Variants in GDAP2 observed in about 807,000 individuals in gnomAD.
GDAP2 encodes the protein ganglioside-induced differentiation-associated protein 2.
Under a neutral mutation model 67.0 loss-of-function variants are expected in GDAP2, and 51 were observed. The observed-to-expected ratio is 0.76, with a 90% CI of 0.61 to 0.96. The LOEUF (loss-of-function observed/expected upper bound fraction) is 0.96. GDAP2 is among the 40% of genes least tolerant of loss of function. The probability of loss-of-function intolerance (pLI) is 0.00; values close to 1 mark genes in which losing one functional copy is unlikely to be tolerated. For missense variants in GDAP2, 547 were observed against 588.3 expected (o/e 0.93, Z 0.73); for synonymous variants, 203 against 207.3 (o/e 0.98, Z 0.18).
rs1647992065 is a variant in GDAP2 at position 117,864,344 on chromosome 1, G to A, written c.*6225C>T. 6.6e-6 allele frequency: 1 copy of A among 152,118 alleles called. No individual in the cohort carries two copies. Among genetic ancestry groups the A allele is most frequent in the Non-Finnish European group, 1.5e-5 (1 of 68,034 alleles). 9.4% of individuals were successfully genotyped at this position (152,118 alleles called of 1,614,324 possible). On this transcript the variant is annotated 3_prime_UTR_variant, in exon 14 of 14. Transcript: ENST00000369443. ...GAGGCTGTTTTAATAGGGGAATGAT[G>A]GATTCAGGCTAGATGAGGACCAAAT...
intron 7 of GDAP2, 93 bp downstream of exon 7, chr1:117,898,963 CA>C (rs1649352517): frequency 1.1e-6 from 1 of 903,190 alleles, no homozygotes; most frequent in African/African-American, 1.7e-5. Context: ...GAGAGCTTTC[CA>C]AAGGTCAAGC....
At position 117,903,707 on chromosome 1, in the gene GDAP2, G is replaced by C. The variant is rs547270305; in HGVS notation, c.636+2799C>G. Among the ~76,000 whole-genome samples the C allele has an allele frequency of 3.9e-5, 6 of 152,274 alleles. No individual in the cohort carries two copies. The East Asian group carries it at 7.7e-4, about 20-fold the overall frequency. ...TGCATCTCTATTCATAAGAGATATTGCTCTATAGTTTTCTGGCAGGTAGTA... is the reference window on the plus strand; with the variant it reads ...TGCATCTCTATTCATAAGAGATATTCCTCTATAGTTTTCTGGCAGGTAGTA... On this transcript the variant is annotated intron_variant, in intron 6 of 13. Coordinates refer to ENST00000369443, the MANE Select transcript of GDAP2 (RefSeq NM_017686.4).
At chr1:117,884,814 G>A (rs4659351) in intron 10 of GDAP2, among the ~76,000 whole-genome samples, 53 of 30,416 alleles carry the variant, frequency 1.7e-3, no homozygotes, top group African/African-American at 5.2e-3. Context: ...TATTCCCTCC[G>A]TGTGTGTGTG....
rs1191576256 is a variant in GDAP2 at position 117,869,949 on chromosome 1, A to G, written c.*620T>C. The G allele has an allele frequency of 6.6e-6, 1 of 152,352 alleles. No homozygotes were observed. The highest frequency in any genetic ancestry group is 6.5e-5 in the Admixed American group (1 of 15,288). 9.4% of individuals were successfully genotyped at this position (152,352 alleles called of 1,614,324 possible). ...CTGTGGCAATCTTAACAAGTCATAT[A>G]ATCCAAGGAACCTTAGTCCTTAAAC... On this transcript the variant is annotated 3_prime_UTR_variant, in exon 14 of 14. Coordinates refer to ENST00000369443, the MANE Select transcript of GDAP2 (RefSeq NM_017686.4).
intron 13 of GDAP2, among the ~76,000 whole-genome samples, chr1:117,872,950 T>C (rs371635147): frequency 1.3e-5 from 2 of 152,186 alleles, no homozygotes; most frequent in Non-Finnish European, 2.9e-5. Flanking sequence ...AAACATGCCC[T>C]GAAGAGATGA....
At chr1:117,880,484 G>T (rs1012643868) in intron 12 of GDAP2, among the ~76,000 whole-genome samples, 2 of 152,200 alleles carry the variant, frequency 1.3e-5, no homozygotes, top group African/African-American at 4.8e-5. Context: ...TGGAGATGGT[G>T]AGCATAGAAC....
chr1:117,884,042 C>G (rs1648760457), intron 10 of GDAP2, among the ~76,000 whole-genome samples: 1 of 152,084 alleles, frequency 6.6e-6, no homozygotes. Flanking sequence ...CGCTTGAATT[C>G]AATCAAAGTC....
At position 117,870,514 on chromosome 1, in the gene GDAP2, C is replaced by T; in HGVS notation, c.*55G>A. On this transcript the variant is annotated 3_prime_UTR_variant, in exon 14 of 14. Transcript: ENST00000369443. ...CAATGAATATCACTTCAACAGGTAG[C>T]TATTCGTGGAGGAAGTGGCATCCTG... is the stretch of plus-strand genomic sequence containing the variant. 1 of 1,025,628 alleles carries T rather than the reference C, an allele frequency of 9.8e-7. No individual in the cohort carries two copies. Among genetic ancestry groups the T allele is most frequent in the Non-Finnish European group, 1.6e-6 (1 of 642,674 alleles). The allele number at this position is 1,025,628 out of a possible 1,614,324, so 63.5% of individuals were successfully genotyped here. A position where few individuals can be genotyped will look rare whatever the true frequency, so the allele number is the denominator to read the frequency against.
At chr1:117,892,688 G>A (rs549611768) in intron 8 of GDAP2, among the ~76,000 whole-genome samples, 1 of 152,206 alleles carries the variant, frequency 6.6e-6, no homozygotes, top group African/African-American at 2.4e-5. Flanking sequence ...AACCAACTGA[G>A]GTTGGACACT....
chr1:117,916,894 T>C (rs1650062961), intron 3 of GDAP2, among the ~76,000 whole-genome samples: 1 of 151,878 alleles, frequency 6.6e-6, no homozygotes, highest in African/African-American at 2.4e-5. Context: ...ATCAGCCAGG[T>C]ATGGTGGCAC....
chr1:117,905,864 A>G (rs1649636934), intron 6 of GDAP2, among the ~76,000 whole-genome samples: 1 of 152,150 alleles, frequency 6.6e-6, no homozygotes, highest in Admixed American at 6.5e-5. Flanking sequence ...AGCTAATACG[A>G]ATGTATTAGC....
intron 7 of GDAP2, 95 bp from the exon 8 acceptor site, chr1:117,897,084 C>T (rs1403980023): frequency 1.3e-6 from 1 of 791,208 alleles, no homozygotes; most frequent in Non-Finnish European, 1.9e-6. Context: ...TGAGGTAACT[C>T]AAAAAACTGG....
chr1:117,897,084 C>A, intron 7 of GDAP2, 95 bp from the exon 8 acceptor site: 2 of 791,326 alleles, frequency 2.5e-6, no homozygotes, highest in Non-Finnish European at 3.9e-6. Flanking sequence ...TGAGGTAACT[C>A]AAAAAACTGG....
chr1:117,921,239 T>TAA (rs138452073), intron 1 of GDAP2, among the ~76,000 whole-genome samples: 10 of 150,666 alleles, frequency 6.6e-5, no homozygotes, highest in South Asian at 4.2e-4. Context: ...AAACTCCGTC[T>TAA]AAAAAAAAAA....
intron 2 of GDAP2, among the ~76,000 whole-genome samples, chr1:117,919,103 G>A (rs377194961): frequency 2.0e-5 from 3 of 152,166 alleles, no homozygotes; most frequent in Admixed American, 6.5e-5. Flanking sequence ...GGCCGGGCAC[G>A]GTGGCTCATG....
At chr1:117,883,245 G>T in intron 11 of GDAP2, 1 of 385,870 alleles carries the variant, frequency 2.6e-6, no homozygotes, top group Non-Finnish European at 4.7e-6. Context: ...ATAGAAGGTA[G>T]TATTTTTGTT....
At chr1:117,889,156 T>C (rs1044316523) in intron 8 of GDAP2, among the ~76,000 whole-genome samples, 1 of 152,162 alleles carries the variant, frequency 6.6e-6, no homozygotes, top group Non-Finnish European at 1.5e-5. Context: ...CATATTTTCA[T>C]ACAGTCATTT....
At chr1:117,881,727 T>C in intron 12 of GDAP2, 96 bp downstream of exon 12, 1 of 749,966 alleles carries the variant, frequency 1.3e-6, no homozygotes, top group Non-Finnish European at 2.4e-6. Context: ...GTCACAATGG[T>C]GACAGCAACA....
At chr1:117,905,272 A>C (rs186705851) in intron 6 of GDAP2, among the ~76,000 whole-genome samples, 1 of 152,272 alleles carries the variant, frequency 6.6e-6, no homozygotes, top group East Asian at 1.9e-4. Flanking sequence ...ATAAAGTCTA[A>C]ATTTTACAGG....
Sources: gnomAD v4.1 joint callset for allele counts (sites outside exome capture counted in the v4.1 genomes callset) on GRCh38, gnomAD v4.1.1 for gene constraint, MANE v1.5 for transcripts, NCBI Gene and HGNC (gene_info 2026-07-23, HGNC 2026-07-21) for gene names.